The following GLMN variants were observed in gnomAD, a reference collection of about 807,000 sequenced individuals.
GLMN encodes the protein glomulin.
GLMN carries 75 observed loss-of-function variants against 87.8 expected under a neutral mutation model. The observed-to-expected ratio is 0.85, with a 90% CI of 0.71 to 1.04. The LOEUF (loss-of-function observed/expected upper bound fraction) is 1.04, where lower values mean the gene tolerates loss of function less well. GLMN is among the 50% of genes least tolerant of loss of function. The pLI is 0.00. For missense variants in GLMN, 588 were observed against 658.8 expected, an observed-to-expected ratio of 0.89 and a Z score of 1.18; for synonymous variants, 206 against 221.6, an observed-to-expected ratio of 0.93 and a Z score of 0.63.
chr1:92,330,560 G>T, the GLMN span, among the ~76,000 whole-genome samples: 1 of 143,770 alleles, frequency 7.0e-6, no homozygotes, highest in Non-Finnish European at 1.5e-5. Flanking sequence ...CGATTTTCCT[G>T]CCTCAGCCTC....
At chr1:92,278,540 T>C (rs1202871462) in intron 7 of GLMN, among the ~76,000 whole-genome samples, 5 of 152,230 alleles carry the variant, frequency 3.3e-5, no homozygotes, top group African/African-American at 1.2e-4. Context: ...TAAATTAAAA[T>C]TGGCTCTCAT....
chr1:92,310,999 A>T, the GLMN span, among the ~76,000 whole-genome samples: 1 of 152,236 alleles, frequency 6.6e-6, no homozygotes, highest in Non-Finnish European at 1.5e-5. Flanking sequence ...ATATGCATAT[A>T]ACTAAAACTA....
At chr1:92,353,744 G>A in the GLMN span, among the ~76,000 whole-genome samples, 1 of 152,092 alleles carries the variant, frequency 6.6e-6, no homozygotes, top group Non-Finnish European at 1.5e-5. Context: ...GCAATAATTA[G>A]ATTATTTCTA....
the GLMN span, among the ~76,000 whole-genome samples, chr1:92,330,551 G>A: frequency 6.8e-6 from 1 of 146,486 alleles, no homozygotes; most frequent in Admixed American, 7.0e-5. Flanking sequence ...GGGTTCGAGC[G>A]ATTTTCCTGC....
chr1:92,317,369 G>C, the GLMN span, among the ~76,000 whole-genome samples: 4 of 151,912 alleles, frequency 2.6e-5, no homozygotes, highest in African/African-American at 9.7e-5. Context: ...TGAGCTGGGC[G>C]TAGTGGCGGG....
chr1:92,359,444 G>A, the GLMN span, among the ~76,000 whole-genome samples: 38 of 152,206 alleles, frequency 2.5e-4, no homozygotes, highest in Admixed American at 2.0e-3. Flanking sequence ...CTCAGCCTCC[G>A]AAGTAGTTGG....
chr1:92,333,536 A>C, the GLMN span: 2 of 1,107,338 alleles, frequency 1.8e-6, no homozygotes, highest in Non-Finnish European at 2.8e-6. Context: ...ATTTAAGCTC[A>C]TAATGTGTAA....
At chr1:92,271,134 C>T (rs1255763576) in intron 8 of GLMN, among the ~76,000 whole-genome samples, 1 of 152,182 alleles carries the variant, frequency 6.6e-6, no homozygotes, top group Admixed American at 6.5e-5. Context: ...CTCAGGATTA[C>T]AGCAGTAATC....
intron 16 of GLMN, among the ~76,000 whole-genome samples, chr1:92,249,723 T>C (rs575980176): frequency 1.3e-5 from 2 of 152,242 alleles, no homozygotes; most frequent in South Asian, 2.1e-4. Context: ...GCAATACAGC[T>C]TGTCTTTTAT....
At chr1:92,311,141 C>T in the GLMN span, among the ~76,000 whole-genome samples, 13 of 152,126 alleles carry the variant, frequency 8.5e-5, no homozygotes, top group Admixed American at 2.0e-4. Flanking sequence ...GTTTGAAGAG[C>T]GCTGTTTTGT....
intron 7 of GLMN, among the ~76,000 whole-genome samples, chr1:92,272,748 G>A (rs1259067867): frequency 1.3e-5 from 2 of 152,186 alleles, no homozygotes; most frequent in Non-Finnish European, 2.9e-5. Flanking sequence ...ATCCTTGCAT[G>A]AGTGGGTAGG....
the GLMN span, chr1:92,323,781 A>C: frequency 6.2e-7 from 1 of 1,614,112 alleles, no homozygotes; most frequent in South Asian, 1.1e-5. Flanking sequence ...AAGATGCTAC[A>C]TGTGAACTTC....
intron 3 of GLMN, among the ~76,000 whole-genome samples, chr1:92,296,017 T>C (rs188792224): frequency 6.6e-6 from 1 of 152,252 alleles, no homozygotes; most frequent in East Asian, 1.9e-4. Flanking sequence ...CATAAACATG[T>C]ATCAAAAACT....
chr1:92,290,504 C>T (rs1649282739), intron 4 of GLMN, among the ~76,000 whole-genome samples, 198 bp from the exon 5 acceptor site: 1 of 152,160 alleles, frequency 6.6e-6, no homozygotes, highest in South Asian at 2.1e-4. Context: ...AACTATAAAA[C>T]TAAAAAGCAA....
At chr1:92,266,835 G>C in intron 11 of GLMN, 94 bp from the exon 12 acceptor site, 1 of 791,284 alleles carries the variant, frequency 1.3e-6, no homozygotes, top group Non-Finnish European at 2.1e-6. Context: ...TAAAAATTCA[G>C]AGAAGTGAGG....
intron 16 of GLMN, among the ~76,000 whole-genome samples, chr1:92,248,588 A>G (rs1653003645): frequency 6.6e-6 from 1 of 152,166 alleles, no homozygotes; most frequent in Non-Finnish European, 1.5e-5. Flanking sequence ...AAAAATAGAG[A>G]AAAGAAAATC....
At chr1:92,345,758 C>T in the GLMN span, 1 of 813,176 alleles carries the variant, frequency 1.2e-6, no homozygotes, top group Middle Eastern at 2.8e-4. Flanking sequence ...TTCTTTGGCA[C>T]ATTATTATAA....
intron 16 of GLMN, among the ~76,000 whole-genome samples, chr1:92,255,176 A>G (rs1332897514): frequency 6.6e-6 from 1 of 152,242 alleles, no homozygotes; most frequent in Non-Finnish European, 1.5e-5. Context: ...GCATTACATA[A>G]TGGTAAAGGG....
At chr1:92,335,089 G>T in the GLMN span, among the ~76,000 whole-genome samples, 347 of 152,276 alleles carry the variant, frequency 2.3e-3, 1 homozygote, top group African/African-American at 7.9e-3. Context: ...AGTCTGCAGT[G>T]AGCTATGATT....
Sources: allele counts gnomAD v4.1 joint callset (sites outside exome capture counted in the v4.1 genomes callset), GRCh38; gene constraint gnomAD v4.1.1; transcripts MANE v1.5; gene names NCBI Gene and HGNC (gene_info 2026-07-23, HGNC 2026-07-21).